HPGDS: variants seen among roughly 807,000 people sequenced by gnomAD.
HPGDS encodes the protein GST class-sigma.
A neutral mutation model predicts 23.1 loss-of-function variants in HPGDS; 26 were observed. That is an observed-to-expected ratio of 1.13 (90% CI 0.83 to 1.56). The LOEUF (loss-of-function observed/expected upper bound fraction) is 1.56. Ranked by LOEUF, HPGDS falls within the 40% of genes most tolerant of loss-of-function variation. HPGDS has a pLI of 0.00. For missense variants in HPGDS, 268 were observed against 236.4 expected (o/e 1.13, Z -0.88); for synonymous variants, 95 against 77.9 (o/e 1.22, Z -1.16).
intron 3 of HPGDS, among the ~76,000 whole-genome samples, chr4:94,310,467 T>C (rs1416052980): frequency 6.6e-6 from 1 of 152,202 alleles, no homozygotes; most frequent in East Asian, 1.9e-4. Context: ...TTCTGAGGGC[T>C]CTGTTCTGTT....
intron 2 of HPGDS, among the ~76,000 whole-genome samples, chr4:94,331,291 A>ATATC (rs1278576694): frequency 3.3e-5 from 5 of 152,188 alleles, no homozygotes; most frequent in Admixed American, 6.5e-5. Context: ...CATGGATAGA[A>ATATC]TATCTTCTCT....
intron 2 of HPGDS, among the ~76,000 whole-genome samples, chr4:94,325,526 G>C (rs116304230): frequency 0.011 from 1,616 of 152,306 alleles, 23 homozygotes; most frequent in African/African-American, 0.036. Context: ...CCGCCTTGCA[G>C]TTCGATCTCA....
chr4:94,306,713 G>T (rs909839780), intron 4 of HPGDS, among the ~76,000 whole-genome samples: 5 of 151,986 alleles, frequency 3.3e-5, no homozygotes, highest in Admixed American at 3.3e-4. Flanking sequence ...AAATTTAGAA[G>T]CACAATATCA....
At chr4:94,302,315 A>T in intron 4 of HPGDS, 71 bp from the exon 5 acceptor site, 1 of 1,021,386 alleles carries the variant, frequency 9.8e-7, no homozygotes, top group Non-Finnish European at 1.5e-6. Context: ...GAGGAAGTAG[A>T]TTTCTCCATC....
At chr4:94,340,293 CTTTCTTTCTTTCTTTCTCTTTTTTTTTT>C (rs1721115597) in intron 1 of HPGDS, among the ~76,000 whole-genome samples, 1 of 36,806 alleles carries the variant, frequency 2.7e-5, no homozygotes, top group African/African-American at 9.5e-5. Flanking sequence ...TTCTTTCTTT[CTTTCTTTCTTTCTTTCTCTTTTTTTTTT>C]TTTTTTTTTT....
intron 2 of HPGDS, among the ~76,000 whole-genome samples, chr4:94,327,151 G>A (rs1255615105): frequency 6.6e-6 from 1 of 152,056 alleles, no homozygotes; most frequent in East Asian, 1.9e-4. Context: ...ACTGGTACCA[G>A]CAGTGCTGGG....
At chr4:94,324,785 C>T (rs1756595733) in intron 2 of HPGDS, among the ~76,000 whole-genome samples, 2 of 152,196 alleles carry the variant, frequency 1.3e-5, no homozygotes, top group Admixed American at 1.3e-4. Context: ...CATTCTCCAT[C>T]CAGCTTGTTC....
In HPGDS at chr4:94,339,143, T is replaced by A. The variant is rs115967121; in HGVS notation, c.-10+3652A>T. On this transcript the variant is annotated intron_variant, in intron 1 of 5. Coordinates refer to ENST00000295256, the MANE Select transcript of HPGDS (RefSeq NM_014485.3). ...AATAAGCATAATTAGACCCCAACTT[T>A]CTATCAAACACAGAAATAACATCTA... is the stretch of plus-strand genomic sequence containing the variant. Among the ~76,000 whole-genome samples the A allele has an allele frequency of 3.7e-3, 565 of 152,348 alleles. 4 individuals carry two copies. Among genetic ancestry groups the A allele is most frequent in the African/African-American group, 0.013 (544 of 41,586 alleles).
At chr4:94,322,959 T>G (rs950981089) in intron 2 of HPGDS, among the ~76,000 whole-genome samples, 6 of 152,252 alleles carry the variant, frequency 3.9e-5, no homozygotes, top group Non-Finnish European at 1.5e-5. Flanking sequence ...TCTGGTACAT[T>G]GTGTCTTTGT....
At chr4:94,331,047 CAG>C (rs1353536184) in intron 2 of HPGDS, among the ~76,000 whole-genome samples, 1 of 152,138 alleles carries the variant, frequency 6.6e-6, no homozygotes, top group Non-Finnish European at 1.5e-5. Context: ...GGTTACAGCC[CAG>C]AGTTTGCCTT....
At chr4:94,327,547 G>C (rs1354242037) in intron 2 of HPGDS, among the ~76,000 whole-genome samples, 2 of 152,098 alleles carry the variant, frequency 1.3e-5, no homozygotes, top group Admixed American at 1.3e-4. Flanking sequence ...GTCCTGGAAT[G>C]GCATATTGGT....
chr4:94,336,733 A>T (rs1721023797), intron 1 of HPGDS, among the ~76,000 whole-genome samples: 1 of 152,234 alleles, frequency 6.6e-6, no homozygotes, highest in Non-Finnish European at 1.5e-5. Context: ...TTTCCAGGTT[A>T]CTTAGAAATG....
chr4:94,337,996 G>A (rs1721058527), intron 1 of HPGDS, among the ~76,000 whole-genome samples: 1 of 152,178 alleles, frequency 6.6e-6, no homozygotes, highest in Non-Finnish European at 1.5e-5. Context: ...TCTTTCAACA[G>A]TTGTAACTCA....
At chr4:94,308,239 T>C (rs1303605957) in intron 4 of HPGDS, among the ~76,000 whole-genome samples, 1 of 152,172 alleles carries the variant, frequency 6.6e-6, no homozygotes, top group African/African-American at 2.4e-5. Flanking sequence ...TGTGCTGTTA[T>C]CTTGGTACTT....
At chr4:94,339,877 A>G (rs1418767202) in intron 1 of HPGDS, among the ~76,000 whole-genome samples, 1 of 151,960 alleles carries the variant, frequency 6.6e-6, no homozygotes, top group Non-Finnish European at 1.5e-5. Context: ...GTCTCACGAG[A>G]TCTGATCATT....
At chr4:94,328,015 T>C (rs1006780356) in intron 2 of HPGDS, among the ~76,000 whole-genome samples, 15 of 152,224 alleles carry the variant, frequency 9.9e-5, no homozygotes, top group Non-Finnish European at 2.1e-4. Flanking sequence ...TGTTCTCACA[T>C]GGACTCCAGG....
At chr4:94,302,982 A>G (rs569256217) in intron 4 of HPGDS, among the ~76,000 whole-genome samples, 36 of 152,274 alleles carry the variant, frequency 2.4e-4, no homozygotes, top group Middle Eastern at 3.4e-3. Context: ...TTGTTTATAT[A>G]TAAGAATTCT....
At chr4:94,303,997 A>G (rs914643548) in intron 4 of HPGDS, 1 of 151,192 alleles carries the variant, frequency 6.6e-6, no homozygotes, top group Non-Finnish European at 1.5e-5. Context: ...CCAAAATAAC[A>G]TAAAGAAGAT....
At chr4:94,336,729 G>A (rs367674712) in intron 1 of HPGDS, among the ~76,000 whole-genome samples, 11 of 152,234 alleles carry the variant, frequency 7.2e-5, no homozygotes, top group Non-Finnish European at 5.9e-5. Flanking sequence ...CTGTTTTCCA[G>A]GTTACTTAGA....
Sources: allele counts gnomAD v4.1 joint callset (sites outside exome capture counted in the v4.1 genomes callset), GRCh38; gene constraint gnomAD v4.1.1; transcripts MANE v1.5; gene names NCBI Gene and HGNC (gene_info 2026-07-23, HGNC 2026-07-21).